ADAMTSL3: variants seen among roughly 807,000 people sequenced by gnomAD.
ADAMTSL3 encodes the protein ADAMTS-like protein 3.
ADAMTSL3 carries 128 observed loss-of-function variants against 201.7 expected under a neutral mutation model. The ratio of observed to expected loss-of-function variants is 0.63; its 90% CI spans 0.55 to 0.73. The LOEUF (loss-of-function observed/expected upper bound fraction) is 0.73. Ranked by LOEUF, ADAMTSL3 falls within the 30% of genes least tolerant of loss-of-function variation. ADAMTSL3 has a pLI of 0.00. For synonymous variants in ADAMTSL3, 738 were observed against 748.4 expected, an observed-to-expected ratio of 0.99 and a Z score of 0.23; for missense variants, 1,990 against 2,119.6, an observed-to-expected ratio of 0.94 and a Z score of 1.20.
chr15:83,677,099 C>G (rs2061417059), intron 2 of ADAMTSL3, among the ~76,000 whole-genome samples: 1 of 152,120 alleles, frequency 6.6e-6, no homozygotes, highest in South Asian at 2.1e-4. Flanking sequence ...CTTTCTGTTA[C>G]TGATTTCTAG....
chr15:84,016,491 C>G lies in ADAMTSL3; in HGVS notation c.4265C>G (p.Pro1422Arg). The change falls in exon 25 of 30, where the codon CCG (proline) becomes CGG (arginine). Residue 1422 changes from proline (P) to arginine (R), a missense_variant. Pro to Arg is a moderately radical substitution (Grantham distance 103, BLOSUM62 -2). Coordinates refer to ENST00000286744, the MANE Select transcript of ADAMTSL3 (RefSeq NM_207517.3). ...AGCAATGACCCAACAGGAGAACCCC[C>G]GCCTCAAGGTCTGGGATTTTGACCT... The part of the protein sequence containing the change: ...TNSNDPTGEP[P>R]PQEPFWEPGN... 1 of 1,613,488 alleles carries G rather than the reference C, an allele frequency of 6.2e-7. No homozygotes were observed. The highest frequency in any genetic ancestry group is 2.2e-5 in the East Asian group (1 of 44,852).
At chr15:84,036,701 G>T in intron 28 of ADAMTSL3, 72 bp from the exon 29 acceptor site, 1 of 1,215,878 alleles carries the variant, frequency 8.2e-7, no homozygotes, top group Non-Finnish European at 1.1e-6. Context: ...AAAAAGGCTT[G>T]GTCCCAGCAA....
intron 3 of ADAMTSL3, among the ~76,000 whole-genome samples, chr15:83,725,605 T>C (rs1209823570): frequency 6.6e-6 from 1 of 152,220 alleles, no homozygotes; most frequent in Non-Finnish European, 1.5e-5. Context: ...AGTTTTATTC[T>C]TCTGCATATG....
chr15:84,029,399 T>C (rs1286634778), intron 27 of ADAMTSL3, among the ~76,000 whole-genome samples: 1 of 152,206 alleles, frequency 6.6e-6, no homozygotes, highest in Non-Finnish European at 1.5e-5. Flanking sequence ...TGGAGGCATT[T>C]TGCCCCTGTC....
intron 6 of ADAMTSL3, among the ~76,000 whole-genome samples, chr15:83,833,308 G>A (rs539818538): frequency 6.6e-6 from 1 of 152,288 alleles, no homozygotes; most frequent in South Asian, 2.1e-4. Flanking sequence ...CAGATTCAGT[G>A]TCTGGTGAGG....
intron 2 of ADAMTSL3, among the ~76,000 whole-genome samples, chr15:83,681,274 C>T (rs990379102): frequency 2.6e-5 from 4 of 152,204 alleles, no homozygotes; most frequent in Non-Finnish European, 4.4e-5. Context: ...ATTTCCATGT[C>T]AGAGGAAAAT....
At chr15:83,677,680 G>A (rs2141412921) in intron 2 of ADAMTSL3, among the ~76,000 whole-genome samples, 1 of 152,138 alleles carries the variant, frequency 6.6e-6, no homozygotes, top group East Asian at 1.9e-4. Flanking sequence ...TTCTTATAGA[G>A]AGCATATGGT....
At chr15:83,818,898 C>A (rs189486039) in intron 5 of ADAMTSL3, among the ~76,000 whole-genome samples, 1 of 152,256 alleles carries the variant, frequency 6.6e-6, no homozygotes, top group Non-Finnish European at 1.5e-5. Flanking sequence ...TGCCGTCCAT[C>A]CTACAGCCAG....
chr15:83,983,324 C>T lies in ADAMTSL3; in HGVS notation c.3696C>T (p.Thr1232=). The T allele has an allele frequency of 1.3e-6, 2 of 1,534,334 alleles. No homozygotes were observed. The highest frequency in any genetic ancestry group is 1.8e-6 in the Non-Finnish European group (2 of 1,142,108). ...EATYTWTKDG[T]LLQPSVKIIL... is the part of the protein sequence containing the mutation. ...CATATACATGGACCAAGGATGGAAC[C>T]TTGTTACAGCCCTCAGTAAAGTAAG... Residue 1232 remains threonine, a synonymous_variant, in exon 21 of 30, where the codon ACC becomes ACT. Transcript: ENST00000286744.
At chr15:83,820,095 C>G in intron 6 of ADAMTSL3, 48 bp downstream of exon 6, 4 of 1,478,318 alleles carry the variant, frequency 2.7e-6, no homozygotes, top group Non-Finnish European at 3.8e-6. Flanking sequence ...TGTGCCACGC[C>G]TACTGTCAAT....
intron 27 of ADAMTSL3, among the ~76,000 whole-genome samples, chr15:84,030,718 G>T (rs2068391764): frequency 6.6e-6 from 1 of 152,124 alleles, no homozygotes. Flanking sequence ...ATGAGATTTG[G>T]GAGGGGCCAC....
At chr15:83,897,803 T>C in intron 13 of ADAMTSL3, 55 bp from the exon 14 acceptor site, 1 of 1,517,092 alleles carries the variant, frequency 6.6e-7, no homozygotes, top group African/African-American at 1.4e-5. Context: ...GATAAAATAA[T>C]GCCTTTGTGG....
At chr15:83,856,673 G>A (rs2064741722) in intron 7 of ADAMTSL3, among the ~76,000 whole-genome samples, 1 of 152,104 alleles carries the variant, frequency 6.6e-6, no homozygotes, top group African/African-American at 2.4e-5. Context: ...ACTCAATTCT[G>A]CCTTTGTAGA....
chr15:83,692,669 G>A (rs1418552088), intron 2 of ADAMTSL3, among the ~76,000 whole-genome samples: 1 of 134,630 alleles, frequency 7.4e-6, no homozygotes, highest in East Asian at 2.2e-4. Context: ...CTGGGCGACA[G>A]AGCGAGACTC....
rs558016194 is a variant in ADAMTSL3, at chr15:83,841,985, C to T, written c.727+3770C>T. Among the ~76,000 whole-genome samples, 6 of 151,662 alleles carry T rather than the reference C, an allele frequency of 4.0e-5. No individual in the cohort carries two copies. In the East Asian group the frequency reaches 1.0e-3, roughly 26 times the overall value. On this transcript the variant is annotated intron_variant, in intron 7 of 29. Coordinates refer to ENST00000286744, the MANE Select transcript of ADAMTSL3 (RefSeq NM_207517.3). Reference sequence around the variant, plus strand: ...TGGCCGAGGGCGGACGGACGAGATCCTAGCTGCTAAGCGACCCGACTCCAG... The same window carrying T: ...TGGCCGAGGGCGGACGGACGAGATCTTAGCTGCTAAGCGACCCGACTCCAG...
intron 4 of ADAMTSL3, among the ~76,000 whole-genome samples, chr15:83,777,849 C>G (rs2063105095): frequency 6.6e-6 from 1 of 152,082 alleles, no homozygotes; most frequent in African/African-American, 2.4e-5. Context: ...ATGTTGAAAC[C>G]CAGTCCAAGG....
At chr15:83,858,933 C>A (rs1188197337) in intron 8 of ADAMTSL3, 93 bp downstream of exon 8, 2 of 1,104,800 alleles carry the variant, frequency 1.8e-6, no homozygotes, top group African/African-American at 1.6e-5. Flanking sequence ...ACCAAACCAA[C>A]AAGCAAAAAA....
chr15:83,853,397 C>A (rs1041656163), intron 7 of ADAMTSL3, among the ~76,000 whole-genome samples: 3 of 152,156 alleles, frequency 2.0e-5, no homozygotes, highest in African/African-American at 7.2e-5. Context: ...GGTATCCCAT[C>A]ATTTCCCCAA....
At chr15:83,753,840 T>C (rs1268417615) in intron 3 of ADAMTSL3, among the ~76,000 whole-genome samples, 3 of 152,176 alleles carry the variant, frequency 2.0e-5, no homozygotes, top group East Asian at 3.8e-4. Flanking sequence ...TGAAAAACAT[T>C]ACATCCATGT....
Sources: gnomAD v4.1 joint callset for allele counts (sites outside exome capture counted in the v4.1 genomes callset) on GRCh38, gnomAD v4.1.1 for gene constraint, MANE v1.5 for transcripts, NCBI Gene and HGNC (gene_info 2026-07-23, HGNC 2026-07-21) for gene names.